Variants in EPHA6 observed in about 807,000 individuals in gnomAD.
EPHA6 encodes EPH receptor A6.
A neutral mutation model predicts 112.0 loss-of-function variants in EPHA6; 50 were observed. That is an observed-to-expected ratio of 0.45 (90% CI 0.36 to 0.56). The LOEUF is 0.56. EPHA6 is among the 20% of genes least tolerant of loss of function. The pLI is 0.00. For synonymous variants in EPHA6, 529 were observed against 490.7 expected (o/e 1.08, Z -1.03); for missense variants, 1,280 against 1,417.4 (o/e 0.90, Z 1.56).
At chr3:97,042,324 C>A (rs2045346057) in intron 3 of EPHA6, among the ~76,000 whole-genome samples, 1 of 152,118 alleles carries the variant, frequency 6.6e-6, no homozygotes, top group Admixed American at 6.6e-5. Context: ...GCTTCCCCTG[C>A]ACCTTCCACT....
intron 1 of EPHA6, among the ~76,000 whole-genome samples, chr3:96,848,705 T>C (rs2035220067): frequency 6.6e-6 from 1 of 152,144 alleles, no homozygotes; most frequent in South Asian, 2.1e-4. Flanking sequence ...TGCTAAATAA[T>C]TTAGGAGTGT....
chr3:97,084,085 T>A, intron 3 of EPHA6, among the ~76,000 whole-genome samples: 1 of 117,500 alleles, frequency 8.5e-6, no homozygotes, highest in Non-Finnish European at 1.7e-5. Flanking sequence ...TGTGTGTGTG[T>A]GTGTGTGTGT....
chr3:97,034,528 C>A (rs979419230), intron 3 of EPHA6, among the ~76,000 whole-genome samples: 2 of 151,780 alleles, frequency 1.3e-5, no homozygotes, highest in African/African-American at 4.8e-5. Flanking sequence ...CAAATGTGTT[C>A]TTTTGAAGGT....
intron 6 of EPHA6, among the ~76,000 whole-genome samples, chr3:97,423,909 C>G (rs748721668): frequency 6.6e-6 from 1 of 152,180 alleles, no homozygotes; most frequent in Non-Finnish European, 1.5e-5. Context: ...GGAAAGGACT[C>G]TCTATTCAAT....
intron 5 of EPHA6, among the ~76,000 whole-genome samples, chr3:97,403,206 A>G (rs952015237): frequency 2.6e-5 from 4 of 152,106 alleles, no homozygotes; most frequent in Admixed American, 2.6e-4. Context: ...ACCAATACTA[A>G]CATCAACAAT....
intron 2 of EPHA6, among the ~76,000 whole-genome samples, chr3:96,876,131 ATAT>A (rs1390999985): frequency 2.3e-5 from 3 of 132,614 alleles, no homozygotes; most frequent in African/African-American, 1.1e-4. Flanking sequence ...TAAAATACAT[ATAT>A]TTTTTTTTTT....
intron 3 of EPHA6, among the ~76,000 whole-genome samples, chr3:97,138,386 T>C (rs370328757): frequency 6.6e-6 from 1 of 152,120 alleles, no homozygotes. Context: ...TCCAACACTC[T>C]CATGCACCTC....
intron 5 of EPHA6, among the ~76,000 whole-genome samples, chr3:97,403,985 C>T (rs1248859359): frequency 6.6e-6 from 1 of 152,020 alleles, no homozygotes; most frequent in Non-Finnish European, 1.5e-5. Context: ...TAACTCTATT[C>T]TAGTGTTTAT....
chr3:97,215,501 C>T (rs1213235248), intron 3 of EPHA6, among the ~76,000 whole-genome samples: 1 of 152,012 alleles, frequency 6.6e-6, no homozygotes, highest in East Asian at 1.9e-4. Context: ...ATTCCAGCTA[C>T]TCAGGAGGCT....
chr3:97,398,137 A>G (rs1456123310), intron 5 of EPHA6, among the ~76,000 whole-genome samples: 1 of 151,488 alleles, frequency 6.6e-6, no homozygotes, highest in African/African-American at 2.4e-5. Flanking sequence ...CTATAATTGA[A>G]TTTCTTTTAA....
chr3:97,012,150 G>C (rs2044108694), intron 3 of EPHA6, among the ~76,000 whole-genome samples: 1 of 152,068 alleles, frequency 6.6e-6, no homozygotes, highest in African/African-American at 2.4e-5. Context: ...TAGAGTGATT[G>C]ATTTAAAAAT....
At chr3:97,448,772 T>TG (rs770814647) in intron 7 of EPHA6, 42 bp downstream of exon 7, 12 of 1,597,426 alleles carry the variant, frequency 7.5e-6, no homozygotes, top group African/African-American at 4.0e-5. Context: ...GTGAATTTAG[T>TG]ATCATTCCAA....
At chr3:97,029,727 A>G (rs545120754) in intron 3 of EPHA6, among the ~76,000 whole-genome samples, 9 of 152,294 alleles carry the variant, frequency 5.9e-5, no homozygotes, top group East Asian at 3.9e-4. Flanking sequence ...TGCAGCAATC[A>G]TATCTCATCA....
intron 10 of EPHA6, among the ~76,000 whole-genome samples, chr3:97,495,729 T>A (rs1183746441): frequency 6.6e-6 from 1 of 152,138 alleles, no homozygotes; most frequent in Non-Finnish European, 1.5e-5. Flanking sequence ...TGTGCAGCAA[T>A]CATTTAGTAT....
chr3:97,096,951 C>G (rs1200032273), intron 3 of EPHA6, among the ~76,000 whole-genome samples: 2 of 151,592 alleles, frequency 1.3e-5, no homozygotes, highest in Admixed American at 1.3e-4. Flanking sequence ...AATGTTTCCT[C>G]CATTTTAGTT....
intron 6 of EPHA6, among the ~76,000 whole-genome samples, chr3:97,440,003 C>T (rs2090052909): frequency 6.6e-6 from 1 of 152,076 alleles, no homozygotes; most frequent in Non-Finnish European, 1.5e-5. Context: ...TAAATACTGA[C>T]TATGCATCCA....
chr3:97,169,770 G>A (rs927681028), intron 3 of EPHA6, among the ~76,000 whole-genome samples: 1 of 151,902 alleles, frequency 6.6e-6, no homozygotes, highest in Non-Finnish European at 1.5e-5. Context: ...TAAATGAATT[G>A]CTTTTCCCAC....
chr3:96,953,519 A>C (rs796402848), intron 2 of EPHA6, among the ~76,000 whole-genome samples: 1 of 152,342 alleles, frequency 6.6e-6, no homozygotes, highest in South Asian at 2.1e-4. Flanking sequence ...TGGCTCCTGC[A>C]TACATTTATA....
intron 10 of EPHA6, among the ~76,000 whole-genome samples, chr3:97,524,151 GTTATT>G (rs2092585769): frequency 7.6e-6 from 1 of 131,076 alleles, no homozygotes; most frequent in Non-Finnish European, 1.5e-5. Context: ...GACTTTTGTA[GTTATT>G]TTGTCTTTCT....
Sources: gnomAD v4.1 joint callset for allele counts (sites outside exome capture counted in the v4.1 genomes callset) on GRCh38, gnomAD v4.1.1 for gene constraint, MANE v1.5 for transcripts, NCBI Gene and HGNC (gene_info 2026-07-23, HGNC 2026-07-21) for gene names.